CLRN1: variants seen among roughly 807,000 people sequenced by gnomAD.
The protein encoded by CLRN1 is clarin 1.
CLRN1 carries 15 observed loss-of-function variants against 18.7 expected under a neutral mutation model. The observed-to-expected ratio is 0.80, with a 90% CI of 0.54 to 1.23. The LOEUF (loss-of-function observed/expected upper bound fraction) is 1.23, where lower values mean the gene tolerates loss of function less well. Ranked by LOEUF, CLRN1 falls within the 50% of genes most tolerant of loss-of-function variation. The pLI, the probability that CLRN1 is intolerant of heterozygous loss-of-function variation, is 0.00. For synonymous variants in CLRN1, 104 were observed against 102.9 expected, an observed-to-expected ratio of 1.01 and a Z score of -0.07; for missense variants, 311 against 277.5, an observed-to-expected ratio of 1.12 and a Z score of -0.86.
intron 1 of CLRN1, among the ~76,000 whole-genome samples, chr3:150,954,696 A>C (rs1479100703): frequency 6.6e-6 from 1 of 152,250 alleles, no homozygotes; most frequent in Non-Finnish European, 1.5e-5. Flanking sequence ...GCAAGGTCAC[A>C]AATATTTTCT....
chr3:150,958,001 T>C, intron 1 of CLRN1, among the ~76,000 whole-genome samples: 1 of 152,148 alleles, frequency 6.6e-6, no homozygotes, highest in East Asian at 1.9e-4. Flanking sequence ...CTGGGAAATC[T>C]CATCTTCAGT....
downstream of CLRN1, chr3:150,926,565 C>T: frequency 1.7e-6 from 1 of 585,290 alleles, no homozygotes; most frequent in South Asian, 1.9e-5. Context: ...AGGGGAAAAA[C>T]CAGCATCTGG....
intron 2 of CLRN1, among the ~76,000 whole-genome samples, chr3:150,932,291 T>C (rs1453895713): frequency 6.6e-6 from 1 of 152,186 alleles, no homozygotes; most frequent in Non-Finnish European, 1.5e-5. Context: ...GGGTTGCTTC[T>C]TCATCCCTGA....
At chr3:150,929,505 T>C (rs1437136252) in intron 2 of CLRN1, among the ~76,000 whole-genome samples, 1 of 152,252 alleles carries the variant, frequency 6.6e-6, no homozygotes, top group Non-Finnish European at 1.5e-5. Flanking sequence ...CAAACCCTGA[T>C]TCCTTTACTT....
chr3:150,941,682 TA>T lies in CLRN1; in HGVS notation c.332del (p.Leu111Ter). The T allele has an allele frequency of 1.9e-6, 3 of 1,614,024 alleles. No individual in the cohort carries two copies. Among genetic ancestry groups the T allele is most frequent in the Non-Finnish European group, 2.5e-6 (3 of 1,179,938 alleles). On this transcript the variant is annotated frameshift_variant, in exon 2 of 3. Transcript: ENST00000327047. LOFTEE classifies it high-confidence loss of function. The part of the protein sequence containing the change: ...VILFSAILIV[L>X]TMVGTAFFMY... ...TGAAGAAGGCTGTCCCCACCATGGT[TA>T]ACACAATAAGGATGGCAGAGAAGAG...
intron 1 of CLRN1, among the ~76,000 whole-genome samples, chr3:150,968,301 T>C (rs1322942247): frequency 6.6e-6 from 1 of 152,090 alleles, no homozygotes; most frequent in Non-Finnish European, 1.5e-5. Flanking sequence ...ACATTTAGAG[T>C]TTAAACATCA....
chr3:150,966,975 C>T (rs184664666), intron 1 of CLRN1, among the ~76,000 whole-genome samples: 1 of 152,272 alleles, frequency 6.6e-6, no homozygotes, highest in Non-Finnish European at 1.5e-5. Flanking sequence ...CACCTAGTAT[C>T]GTCTCCCATA....
chr3:150,958,784 G>A (rs535586791), intron 1 of CLRN1, among the ~76,000 whole-genome samples: 5 of 152,214 alleles, frequency 3.3e-5, no homozygotes, highest in South Asian at 2.1e-4. Flanking sequence ...TCTATAGCTC[G>A]TGGTAGGATT....
intron 1 of CLRN1, among the ~76,000 whole-genome samples, chr3:150,961,024 T>C (rs921708161): frequency 6.6e-6 from 1 of 152,174 alleles, no homozygotes; most frequent in African/African-American, 2.4e-5. Context: ...TTACTGAAAA[T>C]TCATCAATCA....
chr3:150,937,876 T>C (rs1713586099), intron 2 of CLRN1, among the ~76,000 whole-genome samples: 1 of 152,078 alleles, frequency 6.6e-6, no homozygotes, highest in Admixed American at 6.6e-5. Flanking sequence ...ACCTGCAGGG[T>C]CTGGCATGCA....
Position 150,926,803 on chromosome 3 carries a change from C to T in CLRN1, c.*1133G>A. 6.2e-7 allele frequency: 1 copy of T among 1,614,012 alleles called. No individual in the cohort carries two copies. The highest frequency in any genetic ancestry group is 2.2e-5 in the East Asian group (1 of 44,876). On this transcript the variant is annotated 3_prime_UTR_variant, in exon 3 of 3. Coordinates refer to ENST00000327047, the MANE Select transcript of CLRN1 (RefSeq NM_174878.3). ...GTCATTCTCTGCTTTTTCCTTGGTG[C>T]TTTCTGGAGGACAGCAGGTTGAGGA...
At chr3:150,951,628 G>A (rs556529210) in intron 1 of CLRN1, among the ~76,000 whole-genome samples, 68 of 152,246 alleles carry the variant, frequency 4.5e-4, no homozygotes, top group African/African-American at 1.2e-3. Flanking sequence ...GTCAGTCACC[G>A]CGCCCGGCCT....
At chr3:150,964,978 A>G (rs1010326856) in intron 1 of CLRN1, among the ~76,000 whole-genome samples, 1 of 152,218 alleles carries the variant, frequency 6.6e-6, no homozygotes, top group African/African-American at 2.4e-5. Flanking sequence ...GCAACAAACC[A>G]TCATGGCACG....
At chr3:150,967,138 A>C (rs1206526641) in intron 1 of CLRN1, among the ~76,000 whole-genome samples, 5 of 152,186 alleles carry the variant, frequency 3.3e-5, no homozygotes, top group African/African-American at 1.2e-4. Flanking sequence ...TGGGCCATGC[A>C]CTGTCTGAGG....
intron 2 of CLRN1, among the ~76,000 whole-genome samples, chr3:150,928,915 C>T (rs1005405914): frequency 1.3e-5 from 2 of 152,158 alleles, no homozygotes; most frequent in African/African-American, 2.4e-5. Context: ...GGGGCCTGTC[C>T]TTTCTTCCCC....
chr3:150,952,950 T>G (rs965580009), intron 1 of CLRN1, among the ~76,000 whole-genome samples: 12 of 152,366 alleles, frequency 7.9e-5, no homozygotes, highest in African/African-American at 2.9e-4. Flanking sequence ...CTTCTTCTTC[T>G]TCTTTTAATC....
chr3:150,932,139 GATCA>G (rs1420363708), intron 2 of CLRN1, among the ~76,000 whole-genome samples: 1 of 152,012 alleles, frequency 6.6e-6, no homozygotes, highest in Non-Finnish European at 1.5e-5. Context: ...CACCATGAAT[GATCA>G]GTCAATTAAC....
intron 1 of CLRN1, among the ~76,000 whole-genome samples, chr3:150,944,982 G>A (rs1331515210): frequency 2.0e-5 from 3 of 152,182 alleles, no homozygotes; most frequent in African/African-American, 7.2e-5. Flanking sequence ...CCAGGGAGAA[G>A]ACTGGGGTGT....
intron 1 of CLRN1, among the ~76,000 whole-genome samples, chr3:150,950,057 G>A (rs1029728120): frequency 3.3e-5 from 5 of 152,110 alleles, no homozygotes; most frequent in South Asian, 2.1e-4. Flanking sequence ...AACAAGCAAC[G>A]GAGGAGATAC....
Sources: allele counts gnomAD v4.1 joint callset (sites outside exome capture counted in the v4.1 genomes callset), GRCh38; gene constraint gnomAD v4.1.1; transcripts MANE v1.5; gene names NCBI Gene and HGNC (gene_info 2026-07-23, HGNC 2026-07-21).